RAI1: variants seen among roughly 807,000 people sequenced by gnomAD.
RAI1 encodes the protein retinoic acid-induced protein 1.
In RAI1, 9 loss-of-function variants were observed where a neutral mutation model predicts 123.8. The ratio of observed to expected loss-of-function variants is 0.07; its 90% CI spans 0.04 to 0.13. The LOEUF is 0.13. Among genes scored for constraint, RAI1 ranks in the 10% least tolerant of loss-of-function variants. RAI1 has a pLI of 1.00. For missense variants in RAI1, 2,256 were observed against 2,545.8 expected (o/e 0.89, Z 2.45); for synonymous variants, 1,231 against 1,127.3 (o/e 1.09, Z -1.84).
Position 17,775,222 on chromosome 17 carries a change from G to A in RAI1, c.-16-17711G>A, listed in dbSNP as rs77696718. The stretch of plus-strand genomic sequence containing the variant: ...TGTAATTTTTTTTTTTTTTTTTTTT[G>A]AGACAGGGTCTTGCTCTATTGCCTG... On this transcript the variant is annotated intron_variant, in intron 2 of 5. Coordinates refer to ENST00000353383, the MANE Select transcript of RAI1 (RefSeq NM_030665.4). Among the ~76,000 whole-genome samples the A allele has an allele frequency of 1.3e-4, 7 of 52,254 alleles. 1 individual carries two copies. In the South Asian group the frequency reaches 2.4e-3, roughly 18 times the overall value. The allele number at this position is 52,254 out of a possible 152,430, so 34.3% of individuals were successfully genotyped here.
chr17:17,705,307 C>G (rs1226242641), intron 1 of RAI1, among the ~76,000 whole-genome samples: 1 of 152,208 alleles, frequency 6.6e-6, no homozygotes, highest in African/African-American at 2.4e-5. Flanking sequence ...TGCTTTATCA[C>G]CAATTTCTTT....
At position 17,798,372 on chromosome 17, in the gene RAI1, C is replaced by T. The variant is rs1555566286; in HGVS notation, c.5424C>T (p.Ser1808=). Residue 1808 remains serine, a synonymous_variant, in exon 3 of 6, where the codon AGC becomes AGT. Coordinates refer to ENST00000353383, the MANE Select transcript of RAI1 (RefSeq NM_030665.4). ...ACAAGGGTCGCAAACATGAGTGCAGCAAGGAGGCTCCGGCAGAGCCCGGCG... is the reference window on the plus strand; with the variant it reads ...ACAAGGGTCGCAAACATGAGTGCAGTAAGGAGGCTCCGGCAGAGCCCGGCG... ...PADKGRKHEC[S]KEAPAEPGGE... 1.2e-5 allele frequency: 20 copies of T among 1,608,900 alleles called. No individual in the cohort carries two copies. The highest frequency in any genetic ancestry group is 1.7e-5 in the Non-Finnish European group (20 of 1,178,032).
At position 17,793,046 on chromosome 17, in the gene RAI1, C is replaced by T. The variant is rs753461570; in HGVS notation, c.98C>T (p.Pro33Leu). Residue 33 changes from proline to leucine, a missense_variant, in exon 3 of 6, where the codon CCG (proline) becomes CTG (leucine). Around this residue, in one of 7 missense-constraint regions of RAI1, gnomAD observed 336 missense variants for 349.8 expected, o/e 0.96. Transcript: ENST00000353383. The part of the protein sequence containing the change: ...ETSRLENYRQ[P>L]SQAGLSCDRQ... ...TCACGCCTAGAGAATTACAGGCAGCCGAGTCAGGCCGGGCTAAGCTGCGAC... is the reference window on the plus strand; with the variant it reads ...TCACGCCTAGAGAATTACAGGCAGCTGAGTCAGGCCGGGCTAAGCTGCGAC... 5 of 1,614,170 alleles carry T rather than the reference C, an allele frequency of 3.1e-6. No individual in the cohort carries two copies. Among genetic ancestry groups the T allele is most frequent in the Middle Eastern group, 1.7e-4 (1 of 6,060 alleles).
At position 17,799,935 on chromosome 17, in the gene RAI1, AGT is replaced by A. The variant is rs2143004111; in HGVS notation, c.5565+1429_5565+1430del. ...ACTGTGTTTGCCACCCACGCCTCCT[AGT>A]GTGTGTCTTGGGCACCTGCTTCCCA... On this transcript the variant is annotated intron_variant, in intron 3 of 5. Transcript: ENST00000353383. The surrounding 1 kb of genome is among the most constrained non-coding windows in gnomAD (Gnocchi z 4.5). Among the ~76,000 whole-genome samples, 1 of 152,128 alleles carries A rather than the reference AGT, an allele frequency of 6.6e-6. No individual in the cohort carries two copies. The highest frequency in any genetic ancestry group is 2.4e-5 in the African/African-American group (1 of 41,520).
intron 2 of RAI1, among the ~76,000 whole-genome samples, chr17:17,742,857 C>G (rs1246258386): frequency 6.6e-6 from 1 of 152,236 alleles, no homozygotes; most frequent in Non-Finnish European, 1.5e-5. Context: ...GGATGTGGTT[C>G]AGACCTCCCT....
Position 17,809,492 on chromosome 17 carries a change from C to T in RAI1, c.5709+53C>T. On this transcript the variant is annotated intron_variant, in intron 5 of 5. Transcript: ENST00000353383. This position sits in a 1 kb window ranked among gnomAD's most constrained non-coding sequence, Gnocchi z 4.9. Reference sequence around the variant, plus strand: ...GAGGGGTGTCAAGCGGGAGAGGAGCCCCACCTCGCACCTCCTTCACAGTCC... The same window carrying T: ...GAGGGGTGTCAAGCGGGAGAGGAGCTCCACCTCGCACCTCCTTCACAGTCC... The T allele has an allele frequency of 1.3e-6, 2 of 1,520,182 alleles. No individual in the cohort carries two copies. The highest frequency in any genetic ancestry group is 1.1e-5 in the South Asian group (1 of 89,160). 94.2% of individuals were successfully genotyped at this position (1,520,182 alleles called of 1,614,324 possible).
chr17:17,745,066 T>C (rs546950429), intron 2 of RAI1, among the ~76,000 whole-genome samples: 1 of 150,724 alleles, frequency 6.6e-6, no homozygotes, highest in Non-Finnish European at 1.5e-5. Context: ...CCATGGGGAG[T>C]GGGCCTGTAA....
Position 17,797,827 on chromosome 17 carries a change from C to A in RAI1, c.4879C>A (p.Pro1627Thr), listed in dbSNP as rs770361272. 1.2e-6 allele frequency: 2 copies of A among 1,614,050 alleles called. No homozygotes were observed. The highest frequency in any genetic ancestry group is 4.5e-5 in the East Asian group (2 of 44,866). The change falls in exon 3 of 6, where the codon CCT becomes ACT. Residue 1627 changes from proline (P) to threonine (T), a missense_variant. Coordinates refer to ENST00000353383, the MANE Select transcript of RAI1 (RefSeq NM_030665.4). ...AGATGCGCCCAAGCCCCACAGGAAG[C>A]CTTCCTCCTCTGCCTCCTCTTCCTC... ...PGDAPKPHRKPSSSASSSSSS... is the reference protein window; with the variant it reads ...PGDAPKPHRKTSSSASSSSSS...
In RAI1 at chr17:17,781,258, C is replaced by G. The variant is rs115170585; in HGVS notation, c.-16-11675C>G. 4.4e-3 allele frequency among the ~76,000 whole-genome samples: 667 copies of G among 152,340 alleles called. 2 individuals carry two copies. Among genetic ancestry groups the G allele is most frequent in the African/African-American group, 0.015 (627 of 41,590 alleles). On this transcript the variant is annotated intron_variant, in intron 2 of 5. Transcript: ENST00000353383. Reference sequence around the variant, plus strand: ...CAACCTTCCGTCCTCTGTGCTGCAGCAGGGAGTCTTACCCCACCTCCTTCA... The same window carrying G: ...CAACCTTCCGTCCTCTGTGCTGCAGGAGGGAGTCTTACCCCACCTCCTTCA...
intron 1 of RAI1, among the ~76,000 whole-genome samples, chr17:17,693,529 C>T (rs1158930606): frequency 6.6e-6 from 1 of 152,218 alleles, no homozygotes; most frequent in Non-Finnish European, 1.5e-5. Context: ...AAGGTCAGGC[C>T]ACCCAGGCTA....
rs768113556 is a variant in RAI1, at chr17:17,796,952, A to C, written c.4004A>C (p.Lys1335Thr). Residue 1335 changes from lysine to threonine, a missense_variant, in exon 3 of 6, where the codon AAG (lysine) becomes ACG (threonine). By Grantham distance (78) the Lys-to-Thr change is moderately conservative. Coordinates refer to ENST00000353383, the MANE Select transcript of RAI1 (RefSeq NM_030665.4). This position sits in a 1 kb window ranked among gnomAD's most constrained non-coding sequence, Gnocchi z 5.8. ...RGLKLEAIVQ[K>T]ITSPSLKKFA... ...CTGAAGCTGGAAGCCATCGTGCAGAAGATCACCTCGCCCAGCCTCAAGAAG... is the reference window on the plus strand; with the variant it reads ...CTGAAGCTGGAAGCCATCGTGCAGACGATCACCTCGCCCAGCCTCAAGAAG... 2.0e-5 allele frequency: 33 copies of C among 1,613,610 alleles called. No individual in the cohort carries two copies.
intron 1 of RAI1, among the ~76,000 whole-genome samples, chr17:17,712,117 T>G (rs1915583963): frequency 6.6e-6 from 1 of 152,224 alleles, no homozygotes; most frequent in South Asian, 2.1e-4. Flanking sequence ...TGTGGGGCGC[T>G]TGGGTTTTTG....
intron 2 of RAI1, among the ~76,000 whole-genome samples, chr17:17,743,385 T>G (rs1916706295): frequency 6.6e-6 from 1 of 152,230 alleles, no homozygotes; most frequent in African/African-American, 2.4e-5. Flanking sequence ...AGTGCTATGC[T>G]TGGTTCCACA....
intron 1 of RAI1, among the ~76,000 whole-genome samples, 173 bp from the exon 2 acceptor site, chr17:17,723,855 G>A (rs1248936785): frequency 6.7e-6 from 1 of 149,628 alleles, no homozygotes; most frequent in Non-Finnish European, 1.5e-5. Context: ...ACCCCCGGCG[G>A]CCTGTGAATA....
intron 1 of RAI1, among the ~76,000 whole-genome samples, chr17:17,700,795 C>G (rs1361614603): frequency 6.7e-6 from 1 of 149,992 alleles, no homozygotes; most frequent in Non-Finnish European, 1.5e-5. Flanking sequence ...CCCCGGCGTT[C>G]AACCGCGCCG....
chr17:17,725,954 C>T (rs1916074738), intron 2 of RAI1, among the ~76,000 whole-genome samples: 1 of 152,150 alleles, frequency 6.6e-6, no homozygotes, highest in African/African-American at 2.4e-5. Flanking sequence ...TGTCAGCCCC[C>T]ACACAGCAGG....
intron 2 of RAI1, among the ~76,000 whole-genome samples, chr17:17,752,159 C>G (rs1397466387): frequency 6.6e-6 from 1 of 152,192 alleles, no homozygotes; most frequent in Non-Finnish European, 1.5e-5. Context: ...CCGCAGGAGC[C>G]TCCCGCCCGG....
chr17:17,718,133 T>TC (rs1255278443), intron 1 of RAI1, among the ~76,000 whole-genome samples: 1 of 151,640 alleles, frequency 6.6e-6, no homozygotes, highest in African/African-American at 2.4e-5. Flanking sequence ...CTCTCCCCTC[T>TC]CCCCCTGCTT....
chr17:17,810,200 C>A lies in RAI1; in HGVS notation c.*219C>A. Reference sequence around the variant, plus strand: ...AAACCCGTTCCGGAGCCGCCTGCTCCCGGAACCGGACGGCACAGGGCGTTC... The same window carrying A: ...AAACCCGTTCCGGAGCCGCCTGCTCACGGAACCGGACGGCACAGGGCGTTC... On this transcript the variant is annotated 3_prime_UTR_variant, in exon 6 of 6. Coordinates refer to ENST00000353383, the MANE Select transcript of RAI1 (RefSeq NM_030665.4). This position sits in a 1 kb window ranked among gnomAD's most constrained non-coding sequence, Gnocchi z 4.6. 3.0e-6 allele frequency: 2 copies of A among 661,834 alleles called. No homozygotes were observed. Among genetic ancestry groups the A allele is most frequent in the Non-Finnish European group, 4.9e-6 (2 of 404,218 alleles). The allele number at this position is 661,834 out of a possible 1,614,324, so 41.0% of individuals were successfully genotyped here.
Sources: gnomAD v4.1 joint callset for allele counts (sites outside exome capture counted in the v4.1 genomes callset) on GRCh38, gnomAD v4.1.1 for gene constraint, gnomAD v4.1.1 regional missense constraint, Gnocchi (gnomAD v3.1) non-coding constraint, MANE v1.5 for transcripts, NCBI Gene and HGNC (gene_info 2026-07-23, HGNC 2026-07-21) for gene names.